The following RDX variants were observed in gnomAD, a reference collection of about 807,000 sequenced individuals.
The protein encoded by RDX is radixin, also known as deafness, autosomal recessive 24.
RDX carries 32 observed loss-of-function variants against 83.7 expected under a neutral mutation model. The observed-to-expected ratio is 0.38, with a 90% CI of 0.29 to 0.51. RDX has a LOEUF of 0.51. Ranked by LOEUF, RDX falls within the 20% of genes least tolerant of loss-of-function variation. The pLI is 0.87. For synonymous variants in RDX, 229 were observed against 222.7 expected (o/e 1.03, Z -0.25); for missense variants, 600 against 689.9 (o/e 0.87, Z 1.46).
At chr11:110,186,080 T>C (rs1404088791) in intron 15 of RDX, among the ~76,000 whole-genome samples, 1 of 152,202 alleles carries the variant, frequency 6.6e-6, no homozygotes, top group East Asian at 1.9e-4. Context: ...AGCTTTGGGC[T>C]TACACAGTTG....
chr11:110,250,491 C>A (rs1859285718), intron 9 of RDX, among the ~76,000 whole-genome samples: 1 of 152,126 alleles, frequency 6.6e-6, no homozygotes, highest in Admixed American at 6.5e-5. Flanking sequence ...CAGATCTCAA[C>A]CAGAAGTCTA....
intron 15 of RDX, among the ~76,000 whole-genome samples, chr11:110,196,678 A>T (rs1337487787): frequency 2.0e-5 from 3 of 152,156 alleles, no homozygotes; most frequent in Non-Finnish European, 4.4e-5. Context: ...CAACTCAGGA[A>T]TCCAGGAGGG....
rs1467025026 is a variant in RDX, at chr11:110,264,828, T to C, written c.143A>G (p.Gln48Arg). 21 of 1,614,002 alleles carry C rather than the reference T, an allele frequency of 1.3e-5. No individual in the cohort carries two copies. The highest frequency in any genetic ancestry group is 1.8e-5 in the Non-Finnish European group (21 of 1,179,968). ...GLREVWFFGL[Q>R]YVDSKGYSTW... ...AGAATAACCTTTGCTGTCTACATAC[T>C]GCAGCCCAAAAAACCAGACCTCACG... Residue 48 changes from glutamine (Q) to arginine (R), a missense_variant, in exon 4 of 14, where the codon CAG becomes CGG. Gln to Arg is a conservative substitution (Grantham distance 43). Transcript: ENST00000645495.
intron 7 of RDX, among the ~76,000 whole-genome samples, chr11:110,257,315 C>A (rs1484148797): frequency 6.6e-6 from 1 of 151,742 alleles, no homozygotes; most frequent in East Asian, 1.9e-4. Context: ...TAAAACAATT[C>A]CTATATATAA....
At chr11:110,178,467 C>T (rs934648643) in intron 15 of RDX, among the ~76,000 whole-genome samples, 2 of 152,178 alleles carry the variant, frequency 1.3e-5, no homozygotes, top group Middle Eastern at 3.2e-3. Flanking sequence ...TATGCCGTGG[C>T]TATTACATCA....
At chr11:110,190,189 T>A (rs1863076496) in intron 15 of RDX, among the ~76,000 whole-genome samples, 1 of 152,092 alleles carries the variant, frequency 6.6e-6, no homozygotes, top group Non-Finnish European at 1.5e-5. Context: ...ACTAAATGAC[T>A]ACTTCTTTGG....
rs530693435 is a variant in RDX, at chr11:110,191,748, C to T, written c.*31+7833G>A. ...CTGTGTGCCTGTAGTCCCAGCTACT[C>T]AGGAAGCTGAGGCAGGAGAATAGCT... On this transcript the variant is annotated intron_variant, in intron 15 of 15. Transcript: ENST00000528498. Among the ~76,000 whole-genome samples, 3 of 152,192 alleles carry T rather than the reference C, an allele frequency of 2.0e-5. No individual in the cohort carries two copies. In the East Asian group the frequency reaches 5.8e-4, roughly 29 times the overall value.
In RDX at chr11:110,257,923, T is replaced by A; in HGVS notation, c.552-10A>T. On this transcript the variant is annotated splice_polypyrimidine_tract_variant and intron_variant, in intron 6 of 13. Transcript: ENST00000645495. ...CATCATAGAATCCTCCCTGTTGAAA[T>A]AAAACTAAATGTAATATATTTAAGT... 2 of 1,610,064 alleles carry A rather than the reference T, an allele frequency of 1.2e-6. No homozygotes were observed. The highest frequency in any genetic ancestry group is 1.7e-4 in the Middle Eastern group (1 of 6,042).
Position 110,237,539 on chromosome 11 carries a change from C to G in RDX, c.1204G>C (p.Ala402Pro), listed in dbSNP as rs373960715. The G allele has an allele frequency of 1.2e-6, 2 of 1,613,412 alleles. No individual in the cohort carries two copies. Among genetic ancestry groups the G allele is most frequent in the Non-Finnish European group, 1.7e-6 (2 of 1,180,032 alleles). The part of the protein sequence containing the change: ...ERRAAEEAKS[A>P]IAKQAADQMK... The stretch of plus-strand genomic sequence containing the variant: ...TGGTCGGCAGCTTGTTTTGCTATGG[C>G]AGACTTTGCCTCTTCAGCAGCTCGA... Residue 402 changes from alanine (A) to proline (P), a missense_variant, in exon 11 of 14, where the codon GCC becomes CCC. Transcript: ENST00000645495.
intron 15 of RDX, among the ~76,000 whole-genome samples, chr11:110,177,920 C>T (rs1252181860): frequency 1.3e-5 from 2 of 152,226 alleles, no homozygotes; most frequent in East Asian, 3.9e-4. Context: ...CCTGTGCCCT[C>T]CCCGACACTC....
chr11:110,220,776 G>A (rs1039168623), intron 14 of RDX, among the ~76,000 whole-genome samples: 1 of 151,768 alleles, frequency 6.6e-6, no homozygotes, highest in African/African-American at 2.4e-5. Context: ...GGGATTACAG[G>A]CGTGAGCCAC....
intron 15 of RDX, among the ~76,000 whole-genome samples, chr11:110,192,681 T>A (rs1456128578): frequency 6.6e-6 from 1 of 151,886 alleles, no homozygotes; most frequent in East Asian, 1.9e-4. Flanking sequence ...AAAAAACAAA[T>A]AACTCCATTA....
At chr11:110,276,174 A>G (rs1383009092) in intron 2 of RDX, among the ~76,000 whole-genome samples, 1 of 152,148 alleles carries the variant, frequency 6.6e-6, no homozygotes, top group South Asian at 2.1e-4. Flanking sequence ...ACAATTTTCA[A>G]TGATTTTTGC....
Position 110,272,492 on chromosome 11 carries a change from CACACTATGGTGTCAAAAGTTGCAT to C in RDX, c.96+20_96+43del. On this transcript the variant is annotated intron_variant, in intron 3 of 13. Transcript: ENST00000645495. The stretch of plus-strand genomic sequence containing the variant: ...AGAGAAAGAGGTATGCAACAACATT[CACACTATGGTGTCAAAAGTTGCAT>C]ATTTCATGCAGTGTAATACCTGGTC... 1 of 1,230,990 alleles carries C rather than the reference CACACTATGGTGTCAAAAGTTGCAT, an allele frequency of 8.1e-7. No homozygotes were observed. 76.3% of individuals were successfully genotyped at this position (1,230,990 alleles called of 1,614,324 possible).
intron 15 of RDX, among the ~76,000 whole-genome samples, chr11:110,180,200 C>T (rs760802525): frequency 6.6e-6 from 1 of 152,174 alleles, no homozygotes; most frequent in Non-Finnish European, 1.5e-5. Context: ...TGGCGCCTGG[C>T]CCTGGACTTT....
At chr11:110,235,638 C>G (rs868195661) in intron 12 of RDX, among the ~76,000 whole-genome samples, 27 of 152,186 alleles carry the variant, frequency 1.8e-4, no homozygotes, top group Non-Finnish European at 3.7e-4. Flanking sequence ...AAGCCTTTCA[C>G]AATTCCCTAT....
At chr11:110,183,082 A>G (rs1862918755) in intron 15 of RDX, among the ~76,000 whole-genome samples, 3 of 152,188 alleles carry the variant, frequency 2.0e-5, no homozygotes, top group Admixed American at 2.0e-4. Context: ...GTGAAGGGTG[A>G]TGACTCAAGC....
chr11:110,246,422 C>A (rs776263696), intron 10 of RDX, among the ~76,000 whole-genome samples: 1 of 152,076 alleles, frequency 6.6e-6, no homozygotes, highest in African/African-American at 2.4e-5. Context: ...ATCCAAAAAA[C>A]GTGAAATCTG....
At chr11:110,265,320 G>A (rs914717269) in intron 3 of RDX, among the ~76,000 whole-genome samples, 4 of 151,814 alleles carry the variant, frequency 2.6e-5, no homozygotes, top group Admixed American at 1.3e-4. Context: ...TCAAACTCCT[G>A]ACCTCAGGTG....
Sources: gnomAD v4.1 joint callset for allele counts (sites outside exome capture counted in the v4.1 genomes callset) on GRCh38, gnomAD v4.1.1 for gene constraint, MANE v1.5 for transcripts, NCBI Gene and HGNC (gene_info 2026-07-23, HGNC 2026-07-21) for gene names.